The following ARHGAP15 variants were observed in gnomAD, a reference collection of about 807,000 sequenced individuals.
The protein encoded by ARHGAP15 is rho GTPase-activating protein 15.
In ARHGAP15, 51 loss-of-function variants were observed where a neutral mutation model predicts 63.7. The ratio of observed to expected loss-of-function variants is 0.80; its 90% CI spans 0.64 to 1.01. The LOEUF is 1.01. ARHGAP15 is among the 50% of genes least tolerant of loss of function. ARHGAP15 has a pLI of 0.00. For missense variants in ARHGAP15, 560 were observed against 564.6 expected, an observed-to-expected ratio of 0.99 and a Z score of 0.08; for synonymous variants, 191 against 193.8, an observed-to-expected ratio of 0.99 and a Z score of 0.12.
At chr2:143,566,401 G>A (rs1696223604) in intron 11 of ARHGAP15, among the ~76,000 whole-genome samples, 1 of 152,144 alleles carries the variant, frequency 6.6e-6, no homozygotes, top group Non-Finnish European at 1.5e-5. Context: ...ATGCCAGGCA[G>A]TATGTGGGAC....
At chr2:143,464,044 T>C (rs576467844) in intron 8 of ARHGAP15, among the ~76,000 whole-genome samples, 4 of 152,314 alleles carry the variant, frequency 2.6e-5, no homozygotes, top group Middle Eastern at 6.8e-3. Flanking sequence ...AAAATGTTGC[T>C]TTCAACTACC....
intron 5 of ARHGAP15, among the ~76,000 whole-genome samples, chr2:143,232,032 A>C (rs1693464866): frequency 6.6e-6 from 1 of 152,224 alleles, no homozygotes; most frequent in East Asian, 1.9e-4. Context: ...ACAAACATTC[A>C]ATCCTTAAAA....
At chr2:143,745,090 T>A (rs1271517832) in intron 13 of ARHGAP15, among the ~76,000 whole-genome samples, 1 of 152,212 alleles carries the variant, frequency 6.6e-6, no homozygotes, top group Non-Finnish European at 1.5e-5. Context: ...TTCCCTTCTT[T>A]CTATACTCAC....
At chr2:143,390,694 C>CCCCCCA (rs1380128332) in intron 6 of ARHGAP15, among the ~76,000 whole-genome samples, 3 of 151,594 alleles carry the variant, frequency 2.0e-5, no homozygotes, top group Non-Finnish European at 2.9e-5. Flanking sequence ...GATCCCCCCA[C>CCCCCCA]CGTGGATATT....
At chr2:143,196,767 C>G (rs557328023) in intron 2 of ARHGAP15, among the ~76,000 whole-genome samples, 1 of 151,904 alleles carries the variant, frequency 6.6e-6, no homozygotes, top group East Asian at 1.9e-4. Context: ...TATACATGTT[C>G]TATTCTGTTT....
chr2:143,602,590 A>G (rs1479228751), intron 11 of ARHGAP15, among the ~76,000 whole-genome samples: 1 of 152,132 alleles, frequency 6.6e-6, no homozygotes, highest in Non-Finnish European at 1.5e-5. Context: ...CCATGAAAGA[A>G]AAGAATGTGA....
At chr2:143,575,234 T>G (rs2105130674) in intron 11 of ARHGAP15, among the ~76,000 whole-genome samples, 1 of 152,296 alleles carries the variant, frequency 6.6e-6, no homozygotes, top group South Asian at 2.1e-4. Context: ...TAAAGATTAC[T>G]TTTACTACTT....
In ARHGAP15 at chr2:143,483,490, T is replaced by C. The variant is rs931610805; in HGVS notation, c.704-3883T>C. On this transcript the variant is annotated intron_variant, in intron 8 of 13. Coordinates refer to ENST00000295095, the MANE Select transcript of ARHGAP15 (RefSeq NM_018460.4). ...TCGAAAATATTACTTTTGTAACCTG[T>C]GAAAACTTAGATTGATTATTCTGTG... 3.9e-5 allele frequency among the ~76,000 whole-genome samples: 6 copies of C among 152,244 alleles called. No homozygotes were observed. In the South Asian group the frequency reaches 1.2e-3, roughly 31 times the overall value.
chr2:143,664,492 A>G (rs1177008276), intron 12 of ARHGAP15, among the ~76,000 whole-genome samples: 2 of 152,230 alleles, frequency 1.3e-5, no homozygotes, highest in South Asian at 2.1e-4. Context: ...GCACCCTAAC[A>G]TCACAATTAA....
intron 12 of ARHGAP15, among the ~76,000 whole-genome samples, chr2:143,638,646 TATA>T (rs1454574910): frequency 9.5e-6 from 1 of 104,816 alleles, no homozygotes; most frequent in Non-Finnish European, 2.0e-5. Context: ...AAACTTAAAG[TATA>T]ATAATAAAAA....
intron 12 of ARHGAP15, among the ~76,000 whole-genome samples, chr2:143,648,192 C>T (rs1029249586): frequency 5.3e-5 from 8 of 152,010 alleles, no homozygotes; most frequent in South Asian, 4.1e-4. Context: ...TCTTGTTACT[C>T]GAGTTCTATA....
chr2:143,200,041 G>A (rs896850185), intron 2 of ARHGAP15, among the ~76,000 whole-genome samples: 1 of 152,098 alleles, frequency 6.6e-6, no homozygotes, highest in Non-Finnish European at 1.5e-5. Context: ...TTTCTCATTT[G>A]TCAAAGGAAA....
Position 143,153,834 on chromosome 2 carries a change from T to TCCTCCTCC in ARHGAP15, c.-14-1643_-14-1642insCCTCCTCC, listed in dbSNP as rs1558779487. ...CTTCTTCTTCTTCTTCTTCTTCTTC[T>TCCTCCTCC]TCTTCTTCTTCCTCCTCCTCCTCCT... On this transcript the variant is annotated intron_variant, in intron 1 of 13. Coordinates refer to ENST00000295095, the MANE Select transcript of ARHGAP15 (RefSeq NM_018460.4). Among the ~76,000 whole-genome samples the TCCTCCTCC allele has an allele frequency of 2.9e-4, 21 of 71,814 alleles. 2 individuals are homozygous for TCCTCCTCC. Among genetic ancestry groups the TCCTCCTCC allele is most frequent in the South Asian group, 1.3e-3 (2 of 1,570 alleles). 47.1% of individuals were successfully genotyped at this position (71,814 alleles called of 152,430 possible).
chr2:143,241,971 G>C (rs73962382), intron 5 of ARHGAP15, among the ~76,000 whole-genome samples: 4,474 of 152,240 alleles, frequency 0.029, 246 homozygotes, highest in African/African-American at 0.1. Context: ...AGCAATCTGT[G>C]GGAGGAAGGG....
At chr2:143,727,682 G>A (rs1006811851) in intron 13 of ARHGAP15, among the ~76,000 whole-genome samples, 1 of 152,166 alleles carries the variant, frequency 6.6e-6, no homozygotes, top group African/African-American at 2.4e-5. Flanking sequence ...ATGAGTCTTT[G>A]TTGTGGGCAT....
At chr2:143,464,306 T>G (rs1214563096) in intron 8 of ARHGAP15, among the ~76,000 whole-genome samples, 1 of 152,154 alleles carries the variant, frequency 6.6e-6, no homozygotes, top group Non-Finnish European at 1.5e-5. Context: ...TTTATTTATT[T>G]TAATAGTGAC....
chr2:143,679,849 A>G (rs965690913), intron 12 of ARHGAP15, among the ~76,000 whole-genome samples: 1 of 152,060 alleles, frequency 6.6e-6, no homozygotes, highest in Non-Finnish European at 1.5e-5. Context: ...TATCAGGGAG[A>G]GATCTCAGGC....
chr2:143,511,097 T>C (rs1359156061), intron 9 of ARHGAP15, among the ~76,000 whole-genome samples: 1 of 152,222 alleles, frequency 6.6e-6, no homozygotes, highest in Non-Finnish European at 1.5e-5. Context: ...TGAAACTAAT[T>C]TGTAATCTGG....
intron 13 of ARHGAP15, among the ~76,000 whole-genome samples, chr2:143,723,620 C>T (rs999617031): frequency 6.6e-6 from 1 of 152,206 alleles, no homozygotes; most frequent in Non-Finnish European, 1.5e-5. Context: ...CATCTGTGTA[C>T]TCTTACTGAG....
Sources: gnomAD v4.1 joint callset for allele counts (sites outside exome capture counted in the v4.1 genomes callset) on GRCh38, gnomAD v4.1.1 for gene constraint, MANE v1.5 for transcripts, NCBI Gene and HGNC (gene_info 2026-07-23, HGNC 2026-07-21) for gene names.